The following SBNO1 variants were observed in gnomAD, a reference collection of about 807,000 sequenced individuals.
SBNO1 encodes protein strawberry notch homolog 1.
SBNO1 carries 23 observed loss-of-function variants against 173.6 expected under a neutral mutation model. The observed-to-expected ratio is 0.13, with a 90% CI of 0.10 to 0.19. The LOEUF (loss-of-function observed/expected upper bound fraction) is 0.19, where lower values mean the gene tolerates loss of function less well. SBNO1 is among the 10% of genes least tolerant of loss of function. The pLI is 1.00. For synonymous variants in SBNO1, 632 were observed against 571.5 expected (o/e 1.11, Z -1.51); for missense variants, 1,238 against 1,671.2 (o/e 0.74, Z 4.52).
intron 30 of SBNO1, among the ~76,000 whole-genome samples, chr12:123,300,115 A>G (rs2048735880): frequency 6.6e-6 from 1 of 152,252 alleles, no homozygotes; most frequent in African/African-American, 2.4e-5. Context: ...ATATTCATCA[A>G]TAAAGATGCC....
intron 28 of SBNO1, among the ~76,000 whole-genome samples, chr12:123,304,989 A>G (rs766942238): frequency 6.6e-6 from 1 of 152,224 alleles, no homozygotes; most frequent in Non-Finnish European, 1.5e-5. Context: ...TAATGCACAA[A>G]TGTCCAACAC....
chr12:123,363,292 A>C (rs1430341541), intron 1 of SBNO1, among the ~76,000 whole-genome samples: 1 of 152,178 alleles, frequency 6.6e-6, no homozygotes, highest in Non-Finnish European at 1.5e-5. Context: ...AAATTCTGCT[A>C]TCTTCTGTGC....
intron 24 of SBNO1, among the ~76,000 whole-genome samples, chr12:123,311,716 C>CTATATATATA (rs1168115569): frequency 1.3e-4 from 8 of 60,946 alleles, no homozygotes; most frequent in African/African-American, 3.8e-4. Flanking sequence ...ATCTATCTAT[C>CTATATATATA]TATCTATATA....
chr12:123,325,847 G>C (rs1207074096), intron 14 of SBNO1, among the ~76,000 whole-genome samples: 1 of 152,100 alleles, frequency 6.6e-6, no homozygotes, highest in Non-Finnish European at 1.5e-5. Context: ...ACAGTTTATA[G>C]TATCTTATGC....
chr12:123,319,978 A>G lies in SBNO1; in HGVS notation c.2721T>C (p.Tyr907=), dbSNP rs747410425. 1.2e-6 allele frequency: 2 copies of G among 1,613,878 alleles called. No homozygotes were observed. Among genetic ancestry groups the G allele is most frequent in the African/African-American group, 2.7e-5 (2 of 74,938 alleles). ...GCACATCAAGTTCAGATCTTGACTC[A>G]TAAGATATGCTTCCATCATCATTGC... The part of the protein sequence containing the change: ...VVSNDDGSIS[Y]ESRSELDVPV... The change falls in exon 20 of 32, where the codon TAT becomes TAC. Residue 907 remains tyrosine (Y), a synonymous_variant. Coordinates refer to ENST00000602398, the MANE Select transcript of SBNO1 (RefSeq NM_001167856.3).
At chr12:123,335,459 A>G (rs544918017) in intron 6 of SBNO1, among the ~76,000 whole-genome samples, 1 of 152,230 alleles carries the variant, frequency 6.6e-6, no homozygotes, top group Non-Finnish European at 1.5e-5. Flanking sequence ...TAAAAAGAAC[A>G]TATTTTACTT....
chr12:123,347,695 A>G (rs1411817024), intron 3 of SBNO1, among the ~76,000 whole-genome samples: 12 of 151,666 alleles, frequency 7.9e-5, no homozygotes, highest in Admixed American at 7.9e-4. Context: ...CACCAAGCTA[A>G]TTTTTGTATT....
intron 29 of SBNO1, among the ~76,000 whole-genome samples, chr12:123,303,541 T>C (rs1483068066): frequency 6.6e-6 from 1 of 152,030 alleles, no homozygotes; most frequent in Non-Finnish European, 1.5e-5. Context: ...CCCAGCTACT[T>C]GGGAAGCTGA....
At chr12:123,354,549 A>G (rs934109462) in intron 1 of SBNO1, among the ~76,000 whole-genome samples, 6 of 151,954 alleles carry the variant, frequency 3.9e-5, no homozygotes, top group African/African-American at 1.5e-4. Flanking sequence ...ATTAGGCAAA[A>G]CCCTTAGTAT....
chr12:123,355,733 T>C (rs1874388596), intron 1 of SBNO1, among the ~76,000 whole-genome samples: 1 of 152,144 alleles, frequency 6.6e-6, no homozygotes. Flanking sequence ...CAGTGAGGCA[T>C]GTTCATGGCA....
intron 28 of SBNO1, among the ~76,000 whole-genome samples, chr12:123,307,942 C>T (rs532180286): frequency 3.0e-4 from 45 of 152,028 alleles, no homozygotes; most frequent in African/African-American, 8.0e-4. Context: ...CGTGGTGGTG[C>T]GTGCCTGTAG....
intron 24 of SBNO1, among the ~76,000 whole-genome samples, chr12:123,312,593 T>A (rs1371172955): frequency 6.6e-6 from 1 of 151,538 alleles, no homozygotes; most frequent in African/African-American, 2.4e-5. Context: ...GCACCTGTAA[T>A]CCCAGCTACT....
intron 1 of SBNO1, among the ~76,000 whole-genome samples, chr12:123,355,111 C>G (rs1391994011): frequency 2.0e-5 from 3 of 152,052 alleles, no homozygotes; most frequent in African/African-American, 7.2e-5. Context: ...CCCTCCACCT[C>G]CCAAGTTCAA....
intron 28 of SBNO1, among the ~76,000 whole-genome samples, chr12:123,307,542 G>A (rs1232551251): frequency 6.6e-6 from 1 of 152,162 alleles, no homozygotes; most frequent in Admixed American, 6.6e-5. Flanking sequence ...GCAAGAACCA[G>A]GTCTTACTTG....
intron 30 of SBNO1, among the ~76,000 whole-genome samples, chr12:123,301,462 G>A (rs1004886663): frequency 3.9e-5 from 6 of 152,118 alleles, no homozygotes; most frequent in African/African-American, 1.4e-4. Flanking sequence ...AGCCCCTCAA[G>A]CTAAAATTCA....
intron 20 of SBNO1, among the ~76,000 whole-genome samples, 192 bp from the exon 21 acceptor site, chr12:123,317,548 T>C (rs1192256505): frequency 6.6e-6 from 1 of 152,112 alleles, no homozygotes; most frequent in Non-Finnish European, 1.5e-5. Context: ...AGGTAAAATG[T>C]ATGATGCACA....
chr12:123,302,743 G>T, intron 30 of SBNO1, 81 bp downstream of exon 30: 1 of 859,052 alleles, frequency 1.2e-6, no homozygotes, highest in Non-Finnish European at 2.0e-6. Flanking sequence ...AATTCATGAG[G>T]ACATACTGAT....
At position 123,291,276 on chromosome 12, in the gene SBNO1, A is replaced by G. The variant is rs944134671; in HGVS notation, c.*4632T>C. On this transcript the variant is annotated 3_prime_UTR_variant, in exon 32 of 32. Transcript: ENST00000602398. ...TGTTTCAAATCTGCAAGATTTTCCT[A>G]TCAGGTGGGAAGACAGAGATAAGAA... 2.6e-5 allele frequency: 4 copies of G among 152,228 alleles called. No individual in the cohort carries two copies. The highest frequency in any genetic ancestry group is 9.6e-5 in the African/African-American group (4 of 41,462). 9.4% of individuals were successfully genotyped at this position (152,228 alleles called of 1,614,324 possible). A position where few individuals can be genotyped will look rare whatever the true frequency, so the allele number is the denominator to read the frequency against.
intron 4 of SBNO1, among the ~76,000 whole-genome samples, chr12:123,344,181 T>C (rs568535503): frequency 9.9e-5 from 15 of 152,184 alleles, no homozygotes; most frequent in Admixed American, 3.9e-4. Flanking sequence ...TTCCACCAAC[T>C]GTCGACCATC....
Sources: gnomAD v4.1 joint callset for allele counts (sites outside exome capture counted in the v4.1 genomes callset) on GRCh38, gnomAD v4.1.1 for gene constraint, MANE v1.5 for transcripts, NCBI Gene and HGNC (gene_info 2026-07-23, HGNC 2026-07-21) for gene names.